Variants in SMPX observed in about 807,000 individuals in gnomAD.
The protein encoded by SMPX is small muscle protein X-linked.
SMPX carries 2 observed loss-of-function variants against 6.3 expected under a neutral mutation model. That is an observed-to-expected ratio of 0.32 (90% CI 0.13 to 0.99). SMPX has a LOEUF of 0.99. SMPX is among the 50% of genes least tolerant of loss of function. The pLI is 0.49. For missense variants in SMPX, 60 were observed against 66.8 expected, an observed-to-expected ratio of 0.90 and a Z score of 0.36; for synonymous variants, 32 against 24.7, an observed-to-expected ratio of 1.30 and a Z score of -0.88.
chrX:21,709,840 A>G (rs1000090597), intron 4 of SMPX, among the ~76,000 whole-genome samples: 6 of 112,035 alleles, frequency 5.4e-5, no homozygotes, highest in African/African-American at 1.9e-4. Context: ...AAGCTGAGGT[A>G]TTCCTTGGGC....
chrX:21,735,446 A>G (rs180708853), intron 4 of SMPX, among the ~76,000 whole-genome samples: 1 of 112,228 alleles, frequency 8.9e-6, no homozygotes, highest in East Asian at 2.8e-4. Context: ...AAGAATCATT[A>G]AAGTCTTCTC....
intron 4 of SMPX, among the ~76,000 whole-genome samples, chrX:21,733,075 C>T (rs1313660665): frequency 9.0e-6 from 1 of 111,378 alleles, no homozygotes; most frequent in Non-Finnish European, 1.9e-5. Context: ...TATAGCGGAC[C>T]GAGCAGACTA....
Position 21,752,590 on chromosome X carries a change from T to C in SMPX, c.45+1656A>G, listed in dbSNP as rs191495901. ...TGGAGTGCAGTGACGCAATCTTGGC[T>C]CACAGCAACCTCCGCCTCCCAGGTT... On this transcript the variant is annotated intron_variant, in intron 2 of 4. Coordinates refer to ENST00000379494, the MANE Select transcript of SMPX (RefSeq NM_014332.3). Among the ~76,000 whole-genome samples the C allele has an allele frequency of 2.2e-3, 250 of 111,167 alleles. 1 individual carries two copies. Among genetic ancestry groups the C allele is most frequent in the Middle Eastern group, 4.7e-3 (1 of 215 alleles).
chrX:21,748,534 A>G, intron 2 of SMPX, among the ~76,000 whole-genome samples: 1 of 111,808 alleles, frequency 8.9e-6, no homozygotes, highest in Middle Eastern at 4.6e-3. Context: ...ATCTTTTTGC[A>G]AGTATGTGTC....
chrX:21,740,421 G>C (rs1366467752), intron 3 of SMPX, among the ~76,000 whole-genome samples: 3 of 112,328 alleles, frequency 2.7e-5, no homozygotes, highest in Non-Finnish European at 5.6e-5. Context: ...AGGAATGGCT[G>C]TTGTGAAGGG....
chrX:21,736,521 C>A lies in SMPX; in HGVS notation c.*14+1028G>T, dbSNP rs749052953. Among the ~76,000 whole-genome samples, 6 of 112,201 alleles carry A rather than the reference C, an allele frequency of 5.3e-5. No individual in the cohort carries two copies. The East Asian group carries it at 1.7e-3, about 32-fold the overall frequency. ...AGAACAATAATTGAGTATCATGAGG[C>A]TTAAAAGAAACAATGGACATAATGT... On this transcript the variant is annotated intron_variant, in intron 4 of 4. Transcript: ENST00000379494.
At chrX:21,715,358 G>A (rs1365331890) in intron 4 of SMPX, among the ~76,000 whole-genome samples, 1 of 110,197 alleles carries the variant, frequency 9.1e-6, no homozygotes, top group Non-Finnish European at 1.9e-5. Flanking sequence ...CCTAGAATGG[G>A]TGTTCAAACG....
At chrX:21,714,382 A>C (rs1433728868) in intron 4 of SMPX, among the ~76,000 whole-genome samples, 1 of 112,309 alleles carries the variant, frequency 8.9e-6, no homozygotes, top group Non-Finnish European at 1.9e-5. Flanking sequence ...TATCACAAAT[A>C]GTATCCATAG....
intron 1 of SMPX, among the ~76,000 whole-genome samples, chrX:21,756,323 A>G (rs1188768547): frequency 8.9e-6 from 1 of 112,169 alleles, no homozygotes; most frequent in Non-Finnish European, 1.9e-5. Context: ...CCAATTTTAT[A>G]TTTTCAATGG....
Position 21,753,201 on chromosome X carries a change from T to C in SMPX, c.45+1045A>G, listed in dbSNP as rs1246550065. Among the ~76,000 whole-genome samples, 4 of 112,181 alleles carry C rather than the reference T, an allele frequency of 3.6e-5. No homozygotes were observed. In the East Asian group the frequency reaches 1.1e-3, roughly 32 times the overall value. ...GGCCCTTCCTTGGTGGTTTGTTCAA[T>C]GACATGTTTCCAGAGGTTGCTCTAC... On this transcript the variant is annotated intron_variant, in intron 2 of 4. Coordinates refer to ENST00000379494, the MANE Select transcript of SMPX (RefSeq NM_014332.3).
chrX:21,716,722 C>G (rs2147374099), intron 4 of SMPX, among the ~76,000 whole-genome samples: 1 of 111,185 alleles, frequency 9.0e-6, no homozygotes, highest in South Asian at 3.8e-4. Flanking sequence ...TCGGGGAGAT[C>G]TAAATATGCA....
intron 4 of SMPX, among the ~76,000 whole-genome samples, chrX:21,717,548 G>A (rs1212366864): frequency 1.8e-5 from 2 of 112,632 alleles, no homozygotes; most frequent in Non-Finnish European, 3.7e-5. Flanking sequence ...CTTAAAAGTG[G>A]AAAGCAGAAT....
intron 3 of SMPX, among the ~76,000 whole-genome samples, chrX:21,740,114 T>C (rs2092814487): frequency 8.9e-6 from 1 of 111,990 alleles, no homozygotes; most frequent in African/African-American, 3.2e-5. Context: ...GACATGATAT[T>C]GACTCAGGAA....
intron 2 of SMPX, among the ~76,000 whole-genome samples, chrX:21,753,995 A>G (rs1370309644): frequency 1.8e-5 from 2 of 112,530 alleles, no homozygotes; most frequent in African/African-American, 6.5e-5. Context: ...ATACACACTA[A>G]ATTTTTTAGA....
chrX:21,710,812 A>T (rs747622422), intron 4 of SMPX, among the ~76,000 whole-genome samples: 1 of 111,855 alleles, frequency 8.9e-6, no homozygotes, highest in Non-Finnish European at 1.9e-5. Context: ...TGATGGTGGC[A>T]GTACCAGTTT....
At chrX:21,717,892 T>A (rs2092787042) in intron 4 of SMPX, among the ~76,000 whole-genome samples, 1 of 112,260 alleles carries the variant, frequency 8.9e-6, no homozygotes, top group Non-Finnish European at 1.9e-5. Flanking sequence ...ATTCTGAGCA[T>A]GTGTAAAGGC....
chrX:21,720,469 T>C (rs1016088367), intron 4 of SMPX, among the ~76,000 whole-genome samples: 1 of 112,829 alleles, frequency 8.9e-6, no homozygotes, highest in Admixed American at 9.4e-5. Flanking sequence ...AAATTCCTGA[T>C]CCACGGAAAC....
chrX:21,707,786 A>T (rs1447477988), intron 4 of SMPX, among the ~76,000 whole-genome samples: 4 of 112,199 alleles, frequency 3.6e-5, no homozygotes, highest in Non-Finnish European at 7.5e-5. Flanking sequence ...AGGACAAGAA[A>T]TATGTGGAGC....
At chrX:21,717,365 A>G (rs1249953417) in intron 4 of SMPX, among the ~76,000 whole-genome samples, 1 of 112,202 alleles carries the variant, frequency 8.9e-6, no homozygotes, top group Non-Finnish European at 1.9e-5. Flanking sequence ...AAGTTTCCTG[A>G]GGCCATCCCA....
Sources: allele counts gnomAD v4.1 joint callset (sites outside exome capture counted in the v4.1 genomes callset), GRCh38; gene constraint gnomAD v4.1.1; transcripts MANE v1.5; gene names NCBI Gene and HGNC (gene_info 2026-07-23, HGNC 2026-07-21).